The following CLIC5 variants were observed in gnomAD, a reference collection of about 807,000 sequenced individuals.
CLIC5 encodes CLIC family member 5.
A neutral mutation model predicts 24.7 loss-of-function variants in CLIC5; 20 were observed. That is an observed-to-expected ratio of 0.81 (90% CI 0.57 to 1.18). The LOEUF is 1.18. CLIC5 is among the 50% of genes most tolerant of loss of function. CLIC5 has a pLI of 0.00. For missense variants in CLIC5, 341 were observed against 326.1 expected, an observed-to-expected ratio of 1.05 and a Z score of -0.35; for synonymous variants, 159 against 135.6, an observed-to-expected ratio of 1.17 and a Z score of -1.20.
upstream of CLIC5, among the ~76,000 whole-genome samples, chr6:46,019,546 C>T (rs376552526): frequency 6.6e-6 from 1 of 150,514 alleles, no homozygotes; most frequent in Non-Finnish European, 1.5e-5. Context: ...ATTAGCCGGG[C>T]GCGGTGGCGG....
chr6:45,949,525 C>CATCT, intron 2 of CLIC5, 144 bp from the exon 3 acceptor site: 1 of 872,130 alleles, frequency 1.1e-6, no homozygotes, highest in Non-Finnish European at 1.7e-6. Flanking sequence ...CAGTATAGGG[C>CATCT]AGGGGAGGTT....
At chr6:45,997,114 A>G (rs1306891288) in intron 1 of CLIC5, among the ~76,000 whole-genome samples, 2 of 151,276 alleles carry the variant, frequency 1.3e-5, no homozygotes, top group African/African-American at 4.8e-5. Flanking sequence ...CAAATGTCCA[A>G]CAATGATAGA....
chr6:46,019,787 T>C (rs1181536718), upstream of CLIC5, among the ~76,000 whole-genome samples: 1 of 143,616 alleles, frequency 7.0e-6, no homozygotes, highest in Non-Finnish European at 1.5e-5. Context: ...TTAGACAAAA[T>C]AGACTTCAGA....
the CLIC5 span, among the ~76,000 whole-genome samples, chr6:46,115,657 C>T: frequency 6.6e-6 from 1 of 152,238 alleles, no homozygotes; most frequent in Non-Finnish European, 1.5e-5. Flanking sequence ...GAAGCAGCCT[C>T]TGTTTATCTC....
At chr6:46,032,730 C>T (rs1298379254) in intron 1 of CLIC5, among the ~76,000 whole-genome samples, 1 of 152,136 alleles carries the variant, frequency 6.6e-6, no homozygotes, top group Non-Finnish European at 1.5e-5. Flanking sequence ...CTCTTCGTGC[C>T]CTTATTCTTA....
chr6:45,887,291 A>C (rs1762312632), intron 6 of CLIC5, among the ~76,000 whole-genome samples: 2 of 152,140 alleles, frequency 1.3e-5, no homozygotes, highest in African/African-American at 2.4e-5. Context: ...GTGGGGTTAC[A>C]CTTTTCTAGT....
chr6:46,092,423 T>C, the CLIC5 span, among the ~76,000 whole-genome samples: 2 of 152,222 alleles, frequency 1.3e-5, no homozygotes. Context: ...TTTTTTTCTC[T>C]TTAATGTTTA....
chr6:46,085,370 T>C, the CLIC5 span, among the ~76,000 whole-genome samples: 2 of 152,308 alleles, frequency 1.3e-5, no homozygotes, highest in Admixed American at 1.3e-4. Context: ...GAGTTTCCAG[T>C]TTTTCTGCTC....
chr6:46,086,374 T>C, the CLIC5 span, among the ~76,000 whole-genome samples: 1 of 152,240 alleles, frequency 6.6e-6, no homozygotes, highest in African/African-American at 2.4e-5. Context: ...GCTGTTGCTA[T>C]TCGGCCATCT....
chr6:46,006,897 G>A (rs955132440), intron 1 of CLIC5, among the ~76,000 whole-genome samples: 5 of 151,802 alleles, frequency 3.3e-5, no homozygotes, highest in Admixed American at 1.3e-4. Context: ...GGATGGTCTC[G>A]ATCCCCTGAC....
chr6:46,044,670 C>A (rs1296896189), intron 1 of CLIC5, among the ~76,000 whole-genome samples: 1 of 152,126 alleles, frequency 6.6e-6, no homozygotes, highest in East Asian at 1.9e-4. Context: ...TGGGAACTTA[C>A]TTCTCTAACT....
intron 3 of CLIC5, among the ~76,000 whole-genome samples, chr6:45,943,922 A>G (rs1470728562): frequency 6.6e-6 from 1 of 152,206 alleles, no homozygotes; most frequent in Non-Finnish European, 1.5e-5. Context: ...ACTTTCAGTA[A>G]CTACACTGGG....
intron 1 of CLIC5, among the ~76,000 whole-genome samples, chr6:46,075,645 A>T (rs973509112): frequency 6.6e-6 from 1 of 152,212 alleles, no homozygotes; most frequent in Non-Finnish European, 1.5e-5. Context: ...AATAAATGAC[A>T]TAAATTATGT....
intron 5 of CLIC5, chr6:45,912,240 TG>T: frequency 2.0e-6 from 2 of 989,034 alleles, no homozygotes; most frequent in South Asian, 4.6e-5. Flanking sequence ...TCTGATAAGC[TG>T]GATCAGCAGA....
At position 46,015,840 on chromosome 6, in the gene CLIC5, A is replaced by C; in HGVS notation, c.-298T>G. On this transcript the variant is annotated 5_prime_UTR_variant, in exon 1 of 6. Transcript: ENST00000339561. ...AAGTGCCGGGCTGCCCGGAGGTGTCACAGGATCCGCGACTGTCAGCGATCC... is the reference window on the plus strand; with the variant it reads ...AAGTGCCGGGCTGCCCGGAGGTGTCCCAGGATCCGCGACTGTCAGCGATCC... 1 of 1,129,300 alleles carries C rather than the reference A, an allele frequency of 8.9e-7. No homozygotes were observed. Among genetic ancestry groups the C allele is most frequent in the Non-Finnish European group, 1.1e-6 (1 of 922,094 alleles). 70.0% of individuals were successfully genotyped at this position (1,129,300 alleles called of 1,614,324 possible). A position where few individuals can be genotyped will look rare whatever the true frequency, so the allele number is the denominator to read the frequency against.
At chr6:45,973,691 C>T (rs992504712) in intron 1 of CLIC5, among the ~76,000 whole-genome samples, 1 of 152,214 alleles carries the variant, frequency 6.6e-6, no homozygotes, top group Non-Finnish European at 1.5e-5. Flanking sequence ...GTAATCCCAG[C>T]ACTTTGGGAG....
chr6:45,923,995 G>T (rs9349335), intron 4 of CLIC5, among the ~76,000 whole-genome samples: 42,903 of 152,012 alleles, frequency 0.28, 6,476 homozygotes, highest in East Asian at 0.47. Context: ...GTCATCACCT[G>T]CAGAGGGCTT....
chr6:46,041,994 G>A (rs1767820571), intron 1 of CLIC5, among the ~76,000 whole-genome samples: 1 of 152,112 alleles, frequency 6.6e-6, no homozygotes, highest in South Asian at 2.1e-4. Flanking sequence ...CAAAGGCACT[G>A]GACTACCAGT....
the CLIC5 span, among the ~76,000 whole-genome samples, chr6:46,111,159 A>G: frequency 6.7e-6 from 1 of 149,414 alleles, no homozygotes; most frequent in African/African-American, 2.4e-5. Flanking sequence ...CTCACTTGGA[A>G]TCACTAGAAA....
Sources: gnomAD v4.1 joint callset for allele counts (sites outside exome capture counted in the v4.1 genomes callset) on GRCh38, gnomAD v4.1.1 for gene constraint, MANE v1.5 for transcripts, NCBI Gene and HGNC (gene_info 2026-07-23, HGNC 2026-07-21) for gene names.